The following TAFA2 variants were observed in gnomAD, a reference collection of about 807,000 sequenced individuals.
TAFA2 encodes chemokine-like protein TAFA-2.
TAFA2 carries 7 observed loss-of-function variants against 18.8 expected under a neutral mutation model. That is an observed-to-expected ratio of 0.37 (90% CI 0.21 to 0.70). The LOEUF (loss-of-function observed/expected upper bound fraction) is 0.70. Among genes scored for constraint, TAFA2 ranks in the 30% least tolerant of loss-of-function variants. The pLI is 0.53. For missense variants in TAFA2, 122 were observed against 158.1 expected, an observed-to-expected ratio of 0.77 and a Z score of 1.23; for synonymous variants, 60 against 54.2, an observed-to-expected ratio of 1.11 and a Z score of -0.47.
At chr12:61,895,418 G>T (rs1457387232) in intron 1 of TAFA2, among the ~76,000 whole-genome samples, 1 of 151,706 alleles carries the variant, frequency 6.6e-6, no homozygotes, top group African/African-American at 2.4e-5. Flanking sequence ...CTAATCTACC[G>T]ACTCACACAC....
chr12:62,117,136 C>T (rs12309125), intron 1 of TAFA2, among the ~76,000 whole-genome samples: 1 of 152,052 alleles, frequency 6.6e-6, no homozygotes, highest in African/African-American at 2.4e-5. Context: ...TTTAATATCA[C>T]TCAGTCTGTA....
At position 62,219,281 on chromosome 12, in the gene TAFA2, C is replaced by T. The variant is rs142804644; in HGVS notation, c.-130+39482G>A. On this transcript the variant is annotated intron_variant, in intron 1 of 5. Transcript: ENST00000551619. ...AAGTGTAGAGATGAAAAATTAGCTT[C>T]GGTTAAAACTGTAAATGAAATCATA... is the stretch of plus-strand genomic sequence containing the variant. Among the ~76,000 whole-genome samples, 278 of 152,020 alleles carry T rather than the reference C, an allele frequency of 1.8e-3. 1 individual carries two copies. The highest frequency in any genetic ancestry group is 6.6e-3 in the African/African-American group (272 of 41,488).
intron 1 of TAFA2, among the ~76,000 whole-genome samples, chr12:62,048,403 A>G (rs1032570024): frequency 6.6e-6 from 1 of 152,170 alleles, no homozygotes; most frequent in African/African-American, 2.4e-5. Context: ...CCATGATTCA[A>G]TTACCTCCAC....
intron 1 of TAFA2, among the ~76,000 whole-genome samples, chr12:62,078,302 G>T (rs753898913): frequency 6.6e-6 from 1 of 151,974 alleles, no homozygotes; most frequent in Non-Finnish European, 1.5e-5. Flanking sequence ...TTGCTAAAGT[G>T]GGACTCTGGT....
chr12:61,911,156 T>G (rs1876594571), intron 1 of TAFA2, among the ~76,000 whole-genome samples: 1 of 152,184 alleles, frequency 6.6e-6, no homozygotes, highest in Admixed American at 6.5e-5. Flanking sequence ...AAAAGCATTT[T>G]GGGGTTTAGA....
At chr12:61,737,546 C>A (rs774529536) in intron 4 of TAFA2, among the ~76,000 whole-genome samples, 19 of 151,422 alleles carry the variant, frequency 1.3e-4, no homozygotes, top group Non-Finnish European at 2.2e-4. Flanking sequence ...TGGGATTATG[C>A]TCACTTAAAT....
chr12:61,980,036 C>A (rs1387882886), intron 1 of TAFA2, among the ~76,000 whole-genome samples: 1 of 152,064 alleles, frequency 6.6e-6, no homozygotes, highest in Non-Finnish European at 1.5e-5. Flanking sequence ...AAATTCTTTT[C>A]TTTTACATAA....
At position 61,904,114 on chromosome 12, in the gene TAFA2, C is replaced by T. The variant is rs551323542; in HGVS notation, c.-1-36688G>A. ...TCAAAGCATCCTTCTGTATCAACTA[C>T]ATTATTAATCTGATAAACATAAAAT... On this transcript the variant is annotated intron_variant, in intron 1 of 4. Coordinates refer to ENST00000416284, the MANE Select transcript of TAFA2 (RefSeq NM_178539.5). Among the ~76,000 whole-genome samples the T allele has an allele frequency of 5.3e-5, 8 of 152,210 alleles. No individual in the cohort carries two copies. The South Asian group carries it at 1.7e-3, about 32-fold the overall frequency.
At chr12:62,077,316 G>A (rs1023508580) in intron 1 of TAFA2, among the ~76,000 whole-genome samples, 10 of 152,150 alleles carry the variant, frequency 6.6e-5, no homozygotes, top group Middle Eastern at 3.2e-3. Context: ...AATTGACAAA[G>A]AAATATTCAC....
At position 62,173,482 on chromosome 12, in the gene TAFA2, A is replaced by G. The variant is rs566925564; in HGVS notation, c.-2+17777T>C. On this transcript the variant is annotated intron_variant, in intron 1 of 4. Coordinates refer to ENST00000416284, the MANE Select transcript of TAFA2 (RefSeq NM_178539.5). The stretch of plus-strand genomic sequence containing the variant: ...TCAATTTCCCTTTAAGACATTCTAA[A>G]CTGAAAGTACATAGAGAAGGTCATT... Among the ~76,000 whole-genome samples, 5 of 152,318 alleles carry G rather than the reference A, an allele frequency of 3.3e-5. No individual in the cohort carries two copies. In the South Asian group the frequency reaches 6.2e-4, roughly 19 times the overall value.
intron 1 of TAFA2, among the ~76,000 whole-genome samples, chr12:62,249,941 G>A (rs1443008535): frequency 1.3e-5 from 2 of 152,102 alleles, no homozygotes; most frequent in African/African-American, 2.4e-5. Context: ...TTTTTGGGGG[G>A]CCTAAAATTA....
At chr12:62,178,684 T>C (rs1256901715) in intron 1 of TAFA2, among the ~76,000 whole-genome samples, 1 of 152,216 alleles carries the variant, frequency 6.6e-6, no homozygotes, top group Non-Finnish European at 1.5e-5. Flanking sequence ...ATGCTGCATG[T>C]GGCATCCCTA....
chr12:62,104,137 T>A (rs1168402275), intron 1 of TAFA2, among the ~76,000 whole-genome samples: 1 of 152,156 alleles, frequency 6.6e-6, no homozygotes, highest in Admixed American at 6.5e-5. Context: ...TTTAATAGAA[T>A]AAAATTAGCC....
At chr12:62,230,670 CTTTGTTTG>C (rs374264583) in intron 1 of TAFA2, among the ~76,000 whole-genome samples, 35 of 151,964 alleles carry the variant, frequency 2.3e-4, no homozygotes, top group African/African-American at 7.2e-4. Flanking sequence ...TTTGGTTTTT[CTTTGTTTG>C]TTTGTTTGTT....
chr12:61,867,225 A>T (rs1874391960), intron 2 of TAFA2, 95 bp downstream of exon 2: 11 of 785,022 alleles, frequency 1.4e-5, no homozygotes. Flanking sequence ...TATACCTAGT[A>T]AAATTTAACA....
chr12:61,859,518 A>T (rs944392986), intron 2 of TAFA2, among the ~76,000 whole-genome samples: 1 of 152,192 alleles, frequency 6.6e-6, no homozygotes, highest in African/African-American at 2.4e-5. Context: ...ATCTCGGCTC[A>T]CTGCAACCTC....
At chr12:61,764,230 T>TGATAGATAGATAGATAGATAGATAGATA (rs140276194) in intron 2 of TAFA2, among the ~76,000 whole-genome samples, 45 of 150,022 alleles carry the variant, frequency 3.0e-4, no homozygotes, top group African/African-American at 4.2e-4. Context: ...GATGATTGAT[T>TGATAGATAGATAGATAGATAGATAGATA]GATAGATAGA....
At chr12:62,047,582 T>C (rs1881942818) in intron 1 of TAFA2, among the ~76,000 whole-genome samples, 1 of 152,188 alleles carries the variant, frequency 6.6e-6, no homozygotes, top group South Asian at 2.1e-4. Flanking sequence ...ATTTCCAATG[T>C]AGCTTTTCAA....
At chr12:62,142,197 A>G (rs1233931346) in intron 1 of TAFA2, among the ~76,000 whole-genome samples, 4 of 152,202 alleles carry the variant, frequency 2.6e-5, no homozygotes, top group Non-Finnish European at 4.4e-5. Context: ...CAGTTTTGTC[A>G]TGTATACAAT....
Sources: allele counts gnomAD v4.1 joint callset (sites outside exome capture counted in the v4.1 genomes callset), GRCh38; gene constraint gnomAD v4.1.1; transcripts MANE v1.5; gene names NCBI Gene and HGNC (gene_info 2026-07-23, HGNC 2026-07-21).